The following ZNF768 variants were observed in gnomAD, a reference collection of about 807,000 sequenced individuals.
ZNF768 encodes zinc finger protein 768.
In ZNF768, 12 loss-of-function variants were observed where a neutral mutation model predicts 39.7. The ratio of observed to expected loss-of-function variants is 0.30; its 90% CI spans 0.19 to 0.49. The LOEUF (loss-of-function observed/expected upper bound fraction) is 0.49, where lower values mean the gene tolerates loss of function less well. Ranked by LOEUF, ZNF768 falls within the 20% of genes least tolerant of loss-of-function variation. The pLI is 0.99. For synonymous variants in ZNF768, 360 were observed against 288.4 expected (o/e 1.25, Z -2.52); for missense variants, 613 against 723.2 (o/e 0.85, Z 1.75).
intron 1 of ZNF768, 72 bp from the exon 2 acceptor site, chr16:30,526,123 C>T: frequency 1.3e-6 from 2 of 1,493,684 alleles, no homozygotes; most frequent in South Asian, 1.4e-5. Context: ...CACACACCTC[C>T]CACCTCACAT....
At chr16:30,526,575 C>T (rs1315061427), upstream of ZNF768, 2 of 1,039,056 alleles carry the variant, frequency 1.9e-6, no homozygotes, top group African/African-American at 3.4e-5. Flanking sequence ...CTTGACCCCG[C>T]GCCTCTCCAG....
intron 1 of ZNF768, 71 bp from the exon 2 acceptor site, chr16:30,526,122 C>T (rs907119710): frequency 1.3e-6 from 2 of 1,493,716 alleles, no homozygotes; most frequent in East Asian, 4.9e-5. Context: ...CCACACACCT[C>T]CCACCTCACA....
chr16:30,525,237 G>A lies in ZNF768; in HGVS notation c.903C>T (p.Ser301=), dbSNP rs2051310495. ...CEVCSKAFSQ[S]SDLIKHQRTH... ...TGCGCTGGTGTTTGATGAGGTCAGA[G>A]CTCTGGGAGAAGGCCTTGCTGCAGA... is the stretch of plus-strand genomic sequence containing the variant. The change falls in exon 2 of 2, where the codon AGC becomes AGT. Residue 301 remains serine (S), a synonymous_variant. Transcript: ENST00000380412. 1.2e-6 allele frequency: 2 copies of A among 1,614,244 alleles called. No homozygotes were observed. Among genetic ancestry groups the A allele is most frequent in the Admixed American group, 1.7e-5 (1 of 60,028 alleles).
In ZNF768 at chr16:30,524,453, G is replaced by A; in HGVS notation, c.*64C>T. The A allele has an allele frequency of 6.5e-7, 1 of 1,535,784 alleles. No homozygotes were observed. Among genetic ancestry groups the A allele is most frequent in the Non-Finnish European group, 8.7e-7 (1 of 1,150,558 alleles). ...GGCTTCTCCACTATCCTCCCTAAAG[G>A]TTCCTCTAGCTCCCTGGCCCCTTAT... is the stretch of plus-strand genomic sequence containing the variant. On this transcript the variant is annotated 3_prime_UTR_variant, in exon 2 of 2. Coordinates refer to ENST00000380412, the MANE Select transcript of ZNF768 (RefSeq NM_024671.4).
At chr16:30,526,728 G>GGCCC, upstream of ZNF768, 2 of 181,124 alleles carry the variant, frequency 1.1e-5, no homozygotes, top group Non-Finnish European at 1.5e-5. Context: ...CCCCGCTCCC[G>GGCCC]CCCGAGCCCC....
Position 30,524,174 on chromosome 16 carries a change from A to C in ZNF768, c.*343T>G. 1 of 233,048 alleles carries C rather than the reference A, an allele frequency of 4.3e-6. No homozygotes were observed. Among genetic ancestry groups the C allele is most frequent in the Non-Finnish European group, 8.3e-6 (1 of 120,142 alleles). 14.4% of individuals were successfully genotyped at this position (233,048 alleles called of 1,614,324 possible). On this transcript the variant is annotated 3_prime_UTR_variant, in exon 2 of 2. Coordinates refer to ENST00000380412, the MANE Select transcript of ZNF768 (RefSeq NM_024671.4). Reference sequence around the variant, plus strand: ...CTCAACGAGAGTTTCAGCAGCTACCAATCTAAGCTAACCCACTCTAATTAG... The same window carrying C: ...CTCAACGAGAGTTTCAGCAGCTACCCATCTAAGCTAACCCACTCTAATTAG...
chr16:30,525,707 C>G lies in ZNF768; in HGVS notation c.433G>C (p.Glu145Gln). 1.2e-6 allele frequency: 2 copies of G among 1,613,582 alleles called. No homozygotes were observed. The highest frequency in any genetic ancestry group is 1.7e-6 in the Non-Finnish European group (2 of 1,179,792). The change falls in exon 2 of 2, where the codon GAG (glutamate) becomes CAG (glutamine). Residue 145 changes from glutamate (E) to glutamine (Q), a missense_variant. Glu to Gln is a conservative substitution (Grantham distance 29). Around this residue, in one of 4 missense-constraint regions of ZNF768, gnomAD observed 347 missense variants for 326.1 expected, o/e 1.06. Transcript: ENST00000380412. ...TTCTGGGATTCATATCTAGAGCTCTCAGATTCATAGCCAGGGCTCCGGGGT... is the reference window on the plus strand; with the variant it reads ...TTCTGGGATTCATATCTAGAGCTCTGAGATTCATAGCCAGGGCTCCGGGGT... ...YEPRSPGYES[E>Q]SSRYESQNTE... is the part of the protein sequence containing the mutation.
chr16:30,529,835 T>C (rs1286359835), upstream of ZNF768, among the ~76,000 whole-genome samples: 1 of 150,096 alleles, frequency 6.7e-6, no homozygotes, highest in African/African-American at 2.5e-5. Context: ...TTTTTTTTTT[T>C]TTTTTTGAGA....
rs1473914674 is a variant in ZNF768 at position 30,524,506 on chromosome 16, G to T, written c.*11C>A. On this transcript the variant is annotated 3_prime_UTR_variant, in exon 2 of 2. Transcript: ENST00000380412. ...TCTGCCCACACCTCCCACCCCTGCT[G>T]GGGCCCCAGGTCAGCGCCGGCCCGC... 1.3e-5 allele frequency: 20 copies of T among 1,599,064 alleles called. No homozygotes were observed. Among genetic ancestry groups the T allele is most frequent in the Non-Finnish European group, 1.7e-5 (20 of 1,175,384 alleles).
At position 30,525,078 on chromosome 16, in the gene ZNF768, G is replaced by A. The variant is rs1459483118; in HGVS notation, c.1062C>T (p.Phe354=). Residue 354 remains phenylalanine, a synonymous_variant, in exon 2 of 2, where the codon TTC becomes TTT. Transcript: ENST00000380412. ...GTCGCAGGAGGTAGGAGCTGTCGCCGAAGGCCTTGCCACAATGTGGGCACT... is the reference window on the plus strand; with the variant it reads ...GTCGCAGGAGGTAGGAGCTGTCGCCAAAGGCCTTGCCACAATGTGGGCACT... ...PYKCPHCGKA[F]GDSSYLLRHQ... 10 of 1,614,038 alleles carry A rather than the reference G, an allele frequency of 6.2e-6. No individual in the cohort carries two copies. Among genetic ancestry groups the A allele is most frequent in the Non-Finnish European group, 6.8e-6 (8 of 1,180,020 alleles).
Position 30,524,214 on chromosome 16 carries a change from T to A in ZNF768, c.*303A>T. On this transcript the variant is annotated 3_prime_UTR_variant, in exon 2 of 2. Transcript: ENST00000380412. ...ACTCTAATTAGGTAATCCCCTGCCC[T>A]CCCCCCTCCCTGCTCTAGCAGTTGC... 1 of 176,976 alleles carries A rather than the reference T, an allele frequency of 5.7e-6. No individual in the cohort carries two copies. Among genetic ancestry groups the A allele is most frequent in the South Asian group, 7.7e-5 (1 of 13,008 alleles). The allele number at this position is 176,976 out of a possible 1,614,324, so 11.0% of individuals were successfully genotyped here. A position where few individuals can be genotyped will look rare whatever the true frequency, so the allele number is the denominator to read the frequency against.
At chr16:30,526,786 GCCCAGCACCC>G, upstream of ZNF768, 1 of 225,422 alleles carries the variant, frequency 4.4e-6, no homozygotes, top group Non-Finnish European at 6.0e-6. Flanking sequence ...TCCAACGGCC[GCCCAGCACCC>G]CCCCACCCTC....
chr16:30,525,088 C>A lies in ZNF768; in HGVS notation c.1052G>T (p.Gly351Val). 6.2e-7 allele frequency: 1 copy of A among 1,614,170 alleles called. No homozygotes were observed. The highest frequency in any genetic ancestry group is 8.5e-7 in the Non-Finnish European group (1 of 1,180,016). The change falls in exon 2 of 2, where the codon GGC (glycine) becomes GTC (valine). Residue 351 changes from glycine (G) to valine (V), a missense_variant. Physicochemically the swap from Gly to Val is moderately radical, Grantham distance 109. This residue lies in a region of ZNF768 where 204 missense variants were observed against 281.7 expected (regional missense o/e 0.72). Transcript: ENST00000380412. ...GTAGGAGCTGTCGCCGAAGGCCTTGCCACAATGTGGGCACTTGTAGGGCTT... is the reference window on the plus strand; with the variant it reads ...GTAGGAGCTGTCGCCGAAGGCCTTGACACAATGTGGGCACTTGTAGGGCTT... ...GQKPYKCPHCGKAFGDSSYLL... is the reference protein window; with the variant it reads ...GQKPYKCPHCVKAFGDSSYLL...
Position 30,525,710 on chromosome 16 carries a change from ATTCATAGCCAGGGCTCCGGGG to A in ZNF768, c.409_429del (p.Pro137_Glu143del), listed in dbSNP as rs774353959. The A allele has an allele frequency of 3.3e-5, 53 of 1,613,336 alleles. No homozygotes were observed. Among genetic ancestry groups the A allele is most frequent in the Middle Eastern group, 1.6e-4 (1 of 6,070 alleles). The stretch of plus-strand genomic sequence containing the variant: ...TGGGATTCATATCTAGAGCTCTCAG[ATTCATAGCCAGGGCTCCGGGG>A]TTCATACCCGGGGCTCCGAGGTTCA... On this transcript the variant is annotated inframe_deletion, in exon 2 of 2. Coordinates refer to ENST00000380412, the MANE Select transcript of ZNF768 (RefSeq NM_024671.4).
At chr16:30,527,530 G>A (rs867112120), upstream of ZNF768, 27 of 173,338 alleles carry the variant, frequency 1.6e-4, no homozygotes, top group Middle Eastern at 3.0e-3. Context: ...TGATTGGCCG[G>A]GAGTGCTGTG....
chr16:30,528,281 A>T (rs1237756941), upstream of ZNF768: 2 of 152,236 alleles, frequency 1.3e-5, no homozygotes, highest in Non-Finnish European at 2.9e-5. Flanking sequence ...GGTGGGGCGC[A>T]CTGGCTCATG....
upstream of ZNF768, among the ~76,000 whole-genome samples, chr16:30,529,082 C>T (rs1338698773): frequency 6.6e-6 from 1 of 152,200 alleles, no homozygotes; most frequent in Non-Finnish European, 1.5e-5. Flanking sequence ...GTAAGAGTGG[C>T]TCACTTCCAG....
In ZNF768 at chr16:30,525,513, G is replaced by GTCCCCTGTGGGCTGC; in HGVS notation, c.612_626dup (p.Glu204_Gly208dup). 2 of 1,614,188 alleles carry GTCCCCTGTGGGCTGC rather than the reference G, an allele frequency of 1.2e-6. No homozygotes were observed. The highest frequency in any genetic ancestry group is 1.7e-6 in the Non-Finnish European group (2 of 1,180,024). ...TCTCAAAAGGTGGCCCTATGGGCAGGTCCCCTGTGGGCTGCTCCCCAAACC... is the reference window on the plus strand; with the variant it reads ...TCTCAAAAGGTGGCCCTATGGGCAGGTCCCCTGTGGGCTGCTCCCCTGTGGGCTGCTCCCCAAACC... On this transcript the variant is annotated inframe_insertion, in exon 2 of 2. Transcript: ENST00000380412.
At chr16:30,528,142 G>C (rs926074674), upstream of ZNF768, 1 of 152,188 alleles carries the variant, frequency 6.6e-6, no homozygotes, top group African/African-American at 2.4e-5. Flanking sequence ...CGCCTACCCA[G>C]ACAAATGAAG....
Sources: gnomAD v4.1 joint callset for allele counts (sites outside exome capture counted in the v4.1 genomes callset) on GRCh38, gnomAD v4.1.1 for gene constraint, gnomAD v4.1.1 regional missense constraint, MANE v1.5 for transcripts, NCBI Gene and HGNC (gene_info 2026-07-23, HGNC 2026-07-21) for gene names.